The following ATP5PD variants were observed in gnomAD, a reference collection of about 807,000 sequenced individuals.
ATP5PD encodes ATP synthase peripheral stalk subunit d, mitochondrial.
A neutral mutation model predicts 22.6 loss-of-function variants in ATP5PD; 13 were observed. The observed-to-expected ratio is 0.58, with a 90% CI of 0.37 to 0.91. The LOEUF is 0.91. ATP5PD is among the 40% of genes least tolerant of loss of function. The pLI, the probability that ATP5PD is intolerant of heterozygous loss-of-function variation, is 0.00. For missense variants in ATP5PD, 165 were observed against 188.0 expected, an observed-to-expected ratio of 0.88 and a Z score of 0.72; for synonymous variants, 51 against 65.0, an observed-to-expected ratio of 0.79 and a Z score of 1.03.
chr17:75,046,762 C>G lies in ATP5PD; in HGVS notation c.-10+163G>C, dbSNP rs547431178. Among the ~76,000 whole-genome samples the G allele has an allele frequency of 2.6e-5, 4 of 152,318 alleles. No individual in the cohort carries two copies. The South Asian group carries it at 6.2e-4, about 24-fold the overall frequency. On this transcript the variant is annotated intron_variant, in intron 1 of 5. Transcript: ENST00000301587. ...CCAAGGAGGGCTGAGGAAGGGATCG[C>G]GGGGCGAGGAGCGGCAGCTACACAA...
chr17:75,040,015 CTAACT>C (rs778932369), intron 4 of ATP5PD, 72 bp downstream of exon 4: 14 of 1,491,122 alleles, frequency 9.4e-6, no homozygotes, highest in South Asian at 4.7e-5. Flanking sequence ...TTAATTCACT[CTAACT>C]TAACTTAGCT....
rs2073172218 is a variant in ATP5PD, at chr17:75,042,585, C to G, written c.66G>C (p.Gln22His). 2 of 1,613,080 alleles carry G rather than the reference C, an allele frequency of 1.2e-6. No homozygotes were observed. Among genetic ancestry groups the G allele is most frequent in the Non-Finnish European group, 1.7e-6 (2 of 1,179,866 alleles). Residue 22 changes from glutamine (Q) to histidine (H), a missense_variant, in exon 2 of 6, where the codon CAG (glutamine) becomes CAC (histidine). Physicochemically the swap from Gln to His is conservative, Grantham distance 24 (BLOSUM62 0). Coordinates refer to ENST00000301587, the MANE Select transcript of ATP5PD (RefSeq NM_006356.3). ...DWVAFAEIIP[Q>H]NQKAIASSLK... ...GGGAACTAGCAATGGCCTTTTGGTTCTGGGGTATGATCTCTGCAAAAGCTA... is the reference window on the plus strand; with the variant it reads ...GGGAACTAGCAATGGCCTTTTGGTTGTGGGGTATGATCTCTGCAAAAGCTA...
chr17:75,043,611 C>CAAAA (rs533075854), intron 1 of ATP5PD, among the ~76,000 whole-genome samples: 2 of 80,666 alleles, frequency 2.5e-5, no homozygotes, highest in African/African-American at 4.0e-5. Flanking sequence ...GACTCTGTCT[C>CAAAA]AAAAAAAAAA....
In ATP5PD at chr17:75,039,065, T is replaced by A. The variant is rs1567986515; in HGVS notation, c.355-2A>T. The stretch of plus-strand genomic sequence containing the variant: ...AATTAAGTTCTTCATCTTCTCCATC[T>A]GGAAAGAGGGGGAATGTGTTTAGTT... On this transcript the variant is annotated splice_acceptor_variant, in intron 5 of 5. Transcript: ENST00000301587. LOFTEE classifies it high-confidence loss of function. The A allele has an allele frequency of 6.2e-7, 1 of 1,613,866 alleles. No individual in the cohort carries two copies. Among genetic ancestry groups the A allele is most frequent in the Non-Finnish European group, 8.5e-7 (1 of 1,179,934 alleles).
chr17:75,041,218 G>C (rs1207017112), intron 3 of ATP5PD: 1 of 151,920 alleles, frequency 6.6e-6, no homozygotes, highest in Non-Finnish European at 1.5e-5. Context: ...AAATTAGCCA[G>C]GCATGGTGGT....
chr17:75,039,099 C>A (rs780081233), intron 5 of ATP5PD, 36 bp from the exon 6 acceptor site: 3 of 1,612,844 alleles, frequency 1.9e-6, no homozygotes, highest in Non-Finnish European at 2.5e-6. Context: ...TTAATGTAAA[C>A]AGAGACGGAA....
intron 2 of ATP5PD, 48 bp downstream of exon 2, chr17:75,042,481 T>G (rs2073171217): frequency 6.3e-7 from 1 of 1,594,312 alleles, no homozygotes; most frequent in African/African-American, 1.4e-5. Flanking sequence ...CTGTTTTGTT[T>G]CTAGATTCAG....
At chr17:75,039,396 CCT>C (rs2073135638) in intron 4 of ATP5PD, 125 bp from the exon 5 acceptor site, 2 of 830,044 alleles carry the variant, frequency 2.4e-6, no homozygotes, top group South Asian at 3.1e-5. Context: ...CTGTGGTTAC[CCT>C]GAGTGGGGGC....
At chr17:75,045,001 T>TA (rs202201681) in intron 1 of ATP5PD, among the ~76,000 whole-genome samples, 3,235 of 152,304 alleles carry the variant, frequency 0.021, 96 homozygotes, top group African/African-American at 0.073. Flanking sequence ...AACATCAGTG[T>TA]ATCGGGGAAC....
At chr17:75,042,471 C>T in intron 2 of ATP5PD, 58 bp downstream of exon 2, 1 of 1,588,512 alleles carries the variant, frequency 6.3e-7, no homozygotes, top group South Asian at 1.2e-5. Context: ...TTCCTTAATA[C>T]TGTTTTGTTT....
chr17:75,046,968 G>A lies in ATP5PD; in HGVS notation c.-53C>T, dbSNP rs934016195. ...CCCACGGTCCTCCGCAGCAAGTAAC[G>A]GAAGTGGGTCACGGGAAGATCTTTC... On this transcript the variant is annotated 5_prime_UTR_variant, in exon 1 of 6. Transcript: ENST00000301587. 4.5e-5 allele frequency: 8 copies of A among 177,994 alleles called. No homozygotes were observed. In the East Asian group the frequency reaches 1.1e-3, roughly 25 times the overall value. The allele number at this position is 177,994 out of a possible 1,614,324, so 11.0% of individuals were successfully genotyped here.
At chr17:75,039,612 C>A (rs2073137865) in intron 4 of ATP5PD, 4 of 310,924 alleles carry the variant, frequency 1.3e-5, no homozygotes, top group Non-Finnish European at 2.4e-5. Flanking sequence ...TCTGGTGGAG[C>A]CACTGAGTTC....
intron 3 of ATP5PD, 120 bp from the exon 4 acceptor site, chr17:75,040,283 T>C (rs2073145829): frequency 8.8e-7 from 1 of 1,142,332 alleles, no homozygotes; most frequent in South Asian, 1.3e-5. Flanking sequence ...TTAAAGGTCA[T>C]ACTGAAAGAC....
rs745666457 is a variant in ATP5PD, at chr17:75,042,510, C to G, written c.122+19G>C. 4 of 1,600,224 alleles carry G rather than the reference C, an allele frequency of 2.5e-6. No homozygotes were observed. In the Admixed American group the frequency reaches 7.1e-5, roughly 29 times the overall value. On this transcript the variant is annotated intron_variant, in intron 2 of 5. Coordinates refer to ENST00000301587, the MANE Select transcript of ATP5PD (RefSeq NM_006356.3). ...GATTCAGTGGCAAGTATGGGGTTCC[C>G]TCTCAGAAACATACTGACCTGGAGG... is the stretch of plus-strand genomic sequence containing the variant.
intron 3 of ATP5PD, 64 bp from the exon 4 acceptor site, chr17:75,040,227 G>A (rs117189411): frequency 0.023 from 36,310 of 1,594,552 alleles, 463 homozygotes; most frequent in Non-Finnish European, 0.027. Flanking sequence ...ACAGTGAGTC[G>A]TCGCCAATAC....
intron 4 of ATP5PD, 35 bp from the exon 5 acceptor site, chr17:75,039,306 A>G (rs201521579): frequency 5.6e-6 from 9 of 1,597,760 alleles, no homozygotes; most frequent in Non-Finnish European, 7.7e-6. Flanking sequence ...TTCTGAAACC[A>G]GGCTGCATTC....
At chr17:75,042,396 A>T in intron 2 of ATP5PD, 119 bp from the exon 3 acceptor site, 1 of 1,501,582 alleles carries the variant, frequency 6.7e-7, no homozygotes. Context: ...CTCTCCTAAG[A>T]TCATCATGAA....
At chr17:75,045,624 C>T (rs1417092515) in intron 1 of ATP5PD, among the ~76,000 whole-genome samples, 2 of 152,122 alleles carry the variant, frequency 1.3e-5, no homozygotes, top group Non-Finnish European at 2.9e-5. Flanking sequence ...AGAAATATGG[C>T]TCTGTTCTGC....
In ATP5PD at chr17:75,039,564, G is replaced by A. The variant is rs113542780; in HGVS notation, c.292-293C>T. ...TTTCACAGGGCTCAGCCACTGAATG[G>A]TCAGGACACGCCACCTGAGCACCTA... On this transcript the variant is annotated intron_variant, in intron 4 of 5. Transcript: ENST00000301587. 2,067 of 402,424 alleles carry A rather than the reference G, an allele frequency of 5.1e-3. 37 individuals are homozygous for A. The highest frequency in any genetic ancestry group is 0.039 in the African/African-American group (1,922 of 49,878). The allele number at this position is 402,424 out of a possible 1,614,324, so 24.9% of individuals were successfully genotyped here.
Sources: gnomAD v4.1 joint callset for allele counts (sites outside exome capture counted in the v4.1 genomes callset) on GRCh38, gnomAD v4.1.1 for gene constraint, MANE v1.5 for transcripts, NCBI Gene and HGNC (gene_info 2026-07-23, HGNC 2026-07-21) for gene names.